Variants in DCC observed in about 807,000 individuals in gnomAD.
DCC encodes DCC netrin 1 receptor.
DCC carries 58 observed loss-of-function variants against 172.5 expected under a neutral mutation model. The ratio of observed to expected loss-of-function variants is 0.34; its 90% CI spans 0.27 to 0.42. The LOEUF (loss-of-function observed/expected upper bound fraction) is 0.42, where lower values mean the gene tolerates loss of function less well. Ranked by LOEUF, DCC falls within the 10% of genes least tolerant of loss-of-function variation. The pLI is 1.00. For missense variants in DCC, 1,740 were observed against 1,791.0 expected, an observed-to-expected ratio of 0.97 and a Z score of 0.51; for synonymous variants, 709 against 644.5, an observed-to-expected ratio of 1.10 and a Z score of -1.52.
chr18:53,534,834 G>A lies in DCC; in HGVS notation c.*4181G>A, dbSNP rs2046557066. On this transcript the variant is annotated 3_prime_UTR_variant, in exon 29 of 29. Coordinates refer to ENST00000442544, the MANE Select transcript of DCC (RefSeq NM_005215.4). ...AGCAAATGAATATTACTACTCATCT[G>A]GACTCTTCGTTGCCACTATTGCATA... 1 of 152,148 alleles carries A rather than the reference G, an allele frequency of 6.6e-6. No homozygotes were observed. Among genetic ancestry groups the A allele is most frequent in the African/African-American group, 2.4e-5 (1 of 41,426 alleles). The allele number at this position is 152,148 out of a possible 1,614,324, so 9.4% of individuals were successfully genotyped here. A position where few individuals can be genotyped will look rare whatever the true frequency, so the allele number is the denominator to read the frequency against.
At chr18:53,269,093 T>C (rs1049508698) in intron 12 of DCC, among the ~76,000 whole-genome samples, 2 of 149,846 alleles carry the variant, frequency 1.3e-5, no homozygotes, top group African/African-American at 4.9e-5. Context: ...TGTGTGTGCG[T>C]GTGTGTGTGT....
At chr18:53,078,732 A>G (rs1041470084) in intron 7 of DCC, among the ~76,000 whole-genome samples, 5 of 152,166 alleles carry the variant, frequency 3.3e-5, no homozygotes, top group Admixed American at 3.3e-4. Flanking sequence ...TTTTGTGTTG[A>G]CAAATATATA....
In DCC at chr18:53,196,047, A is replaced by G. The variant is rs566381447; in HGVS notation, c.1574-9169A>G. On this transcript the variant is annotated intron_variant, in intron 9 of 28. Transcript: ENST00000442544. ...CTTTTATCTAAACATTTCAATCACA[A>G]TGGGGAGTAATGAGACCCAGGCTAC... Among the ~76,000 whole-genome samples, 3 of 152,284 alleles carry G rather than the reference A, an allele frequency of 2.0e-5. No homozygotes were observed. In the East Asian group the frequency reaches 5.8e-4, roughly 29 times the overall value.
Position 53,476,701 on chromosome 18 carries a change from A to G in DCC, c.3736+8691A>G, listed in dbSNP as rs149515090. 3.5e-3 allele frequency among the ~76,000 whole-genome samples: 538 copies of G among 152,276 alleles called. 4 individuals carry two copies. The highest frequency in any genetic ancestry group is 0.012 in the African/African-American group (499 of 41,558). On this transcript the variant is annotated intron_variant, in intron 25 of 28. Transcript: ENST00000442544. ...ATACAGGGTTAGAATTCAGGAGGACAATTACTTTTGATGGAAGTCGATTAG... is the reference window on the plus strand; with the variant it reads ...ATACAGGGTTAGAATTCAGGAGGACGATTACTTTTGATGGAAGTCGATTAG...
chr18:52,670,302 T>A (rs370439478), intron 1 of DCC, among the ~76,000 whole-genome samples: 66 of 152,250 alleles, frequency 4.3e-4, no homozygotes, highest in African/African-American at 1.5e-3. Context: ...ACAGGAAGGA[T>A]GTGGATGGAA....
intron 5 of DCC, among the ~76,000 whole-genome samples, chr18:52,956,134 A>G (rs996779429): frequency 6.6e-6 from 1 of 152,068 alleles, no homozygotes; most frequent in African/African-American, 2.4e-5. Flanking sequence ...TAAAAAATCA[A>G]AAAAACCTAA....
chr18:53,327,908 TATG>T (rs1363202750), intron 14 of DCC, among the ~76,000 whole-genome samples: 1 of 152,186 alleles, frequency 6.6e-6, no homozygotes, highest in African/African-American at 2.4e-5. Flanking sequence ...TGCTATGATT[TATG>T]ATAATTGACA....
chr18:53,087,384 G>T (rs1465099358), intron 7 of DCC, among the ~76,000 whole-genome samples: 1 of 151,558 alleles, frequency 6.6e-6, no homozygotes, highest in Non-Finnish European at 1.5e-5. Flanking sequence ...GTGTTTTTTG[G>T]CTGCATAAAT....
At chr18:53,524,652 G>A (rs775445459) in intron 27 of DCC, among the ~76,000 whole-genome samples, 8 of 151,996 alleles carry the variant, frequency 5.3e-5, no homozygotes, top group Non-Finnish European at 1.2e-4. Context: ...AGTCAGTTAT[G>A]AGAAACAATG....
intron 2 of DCC, among the ~76,000 whole-genome samples, chr18:52,901,520 A>G (rs1211030353): frequency 6.6e-6 from 1 of 152,200 alleles, no homozygotes; most frequent in Non-Finnish European, 1.5e-5. Flanking sequence ...TAGAAAGTGG[A>G]GATAATAATA....
At chr18:53,204,055 G>T (rs1598902706) in intron 9 of DCC, among the ~76,000 whole-genome samples, 1 of 140,326 alleles carries the variant, frequency 7.1e-6, no homozygotes, top group East Asian at 2.0e-4. Context: ...AATATCATAT[G>T]CTTTACTGCA....
intron 2 of DCC, among the ~76,000 whole-genome samples, chr18:52,824,781 G>A (rs2038478026): frequency 6.6e-6 from 1 of 151,972 alleles, no homozygotes; most frequent in Non-Finnish European, 1.5e-5. Flanking sequence ...GACCAACCTG[G>A]CCAACATAGC....
At chr18:53,475,212 C>G (rs2045747505) in intron 25 of DCC, among the ~76,000 whole-genome samples, 1 of 152,128 alleles carries the variant, frequency 6.6e-6, no homozygotes, top group Non-Finnish European at 1.5e-5. Flanking sequence ...GAAAATTTGC[C>G]CCCTGACAAT....
chr18:53,463,489 T>C (rs1470091021), intron 24 of DCC, among the ~76,000 whole-genome samples: 1 of 152,168 alleles, frequency 6.6e-6, no homozygotes, highest in Non-Finnish European at 1.5e-5. Flanking sequence ...TGAACAGCAT[T>C]ACCAAGAAAC....
intron 7 of DCC, among the ~76,000 whole-genome samples, chr18:53,152,881 G>A (rs1275029144): frequency 1.3e-5 from 2 of 152,096 alleles, no homozygotes; most frequent in Non-Finnish European, 2.9e-5. Flanking sequence ...TTAATATAAC[G>A]CCTGTTTAAA....
rs748247773 is a variant in DCC, at chr18:52,878,929, C to T, written c.413-27115C>T. Among the ~76,000 whole-genome samples the T allele has an allele frequency of 4.1e-4, 62 of 151,960 alleles. 1 individual carries two copies. Among genetic ancestry groups the T allele is most frequent in the Non-Finnish European group, 3.1e-4 (21 of 67,966 alleles). On this transcript the variant is annotated intron_variant, in intron 2 of 28. Transcript: ENST00000442544. Reference sequence around the variant, plus strand: ...GGGTGTAGAACTTCTAAAACACACCCGGGCACAAAGTTATCACTTTATAAT... The same window carrying T: ...GGGTGTAGAACTTCTAAAACACACCTGGGCACAAAGTTATCACTTTATAAT...
chr18:52,528,416 A>C (rs2032046967), intron 1 of DCC, among the ~76,000 whole-genome samples: 1 of 152,194 alleles, frequency 6.6e-6, no homozygotes, highest in African/African-American at 2.4e-5. Flanking sequence ...GAAAATAAGG[A>C]AGTAAGGAAT....
chr18:53,175,420 A>G (rs915275426), intron 8 of DCC, among the ~76,000 whole-genome samples: 1 of 152,162 alleles, frequency 6.6e-6, no homozygotes, highest in African/African-American at 2.4e-5. Flanking sequence ...TTGTATATCT[A>G]GAAAACCCCA....
In DCC at chr18:53,451,735, A is replaced by ATC. The variant is rs760128698; in HGVS notation, c.3392+1087_3392+1088dup. 8.2e-3 allele frequency among the ~76,000 whole-genome samples: 918 copies of ATC among 112,236 alleles called. 3 individuals are homozygous for ATC. The highest frequency in any genetic ancestry group is 0.012 in the Non-Finnish European group (638 of 53,100). The allele number at this position is 112,236 out of a possible 152,430, so 73.6% of individuals were successfully genotyped here. On this transcript the variant is annotated intron_variant, in intron 23 of 28. Transcript: ENST00000442544. ...GCTCTCTCTCTCTCTCTCTCTCTCCATCTCTCTCTCTCTCTGTCTGTCTTT... is the reference window on the plus strand; with the variant it reads ...GCTCTCTCTCTCTCTCTCTCTCTCCATCTCTCTCTCTCTCTCTGTCTGTCTTT...
Sources: allele counts gnomAD v4.1 joint callset (sites outside exome capture counted in the v4.1 genomes callset), GRCh38; gene constraint gnomAD v4.1.1; transcripts MANE v1.5; gene names NCBI Gene and HGNC (gene_info 2026-07-23, HGNC 2026-07-21).